Variants in DPP6 observed in about 807,000 individuals in gnomAD.
DPP6 encodes the protein A-type potassium channel modulatory protein DPP6.
A neutral mutation model predicts 122.6 loss-of-function variants in DPP6; 69 were observed. The observed-to-expected ratio is 0.56, with a 90% CI of 0.46 to 0.69. DPP6 has a LOEUF of 0.69. Among genes scored for constraint, DPP6 ranks in the 30% least tolerant of loss-of-function variants. The pLI is 0.00. For synonymous variants in DPP6, 418 were observed against 433.1 expected (o/e 0.97, Z 0.43); for missense variants, 928 against 1,116.9 (o/e 0.83, Z 2.41).
chr7:154,876,705 G>A (rs1484838275), intron 20 of DPP6, among the ~76,000 whole-genome samples: 1 of 152,196 alleles, frequency 6.6e-6, no homozygotes, highest in Non-Finnish European at 1.5e-5. Flanking sequence ...TGCTCCAAAT[G>A]ACTTATTGAA....
chr7:153,807,757 C>T, the DPP6 span, among the ~76,000 whole-genome samples: 2 of 151,804 alleles, frequency 1.3e-5, no homozygotes, highest in Admixed American at 1.3e-4. Context: ...AGACGTTGTC[C>T]GCCAAAGCTA....
intron 1 of DPP6, among the ~76,000 whole-genome samples, chr7:154,155,859 G>A (rs1415986761): frequency 6.6e-6 from 1 of 152,134 alleles, no homozygotes; most frequent in Non-Finnish European, 1.5e-5. Flanking sequence ...GAAGGCCGTG[G>A]CTTTAAATGT....
the DPP6 span, among the ~76,000 whole-genome samples, chr7:153,762,726 G>A: frequency 4.6e-5 from 7 of 152,114 alleles, 1 homozygote; most frequent in African/African-American, 7.2e-5. Context: ...GTTGCGGTGA[G>A]CCAAAATCGT....
At chr7:154,103,227 C>G (rs1805882311) in intron 1 of DPP6, among the ~76,000 whole-genome samples, 2 of 152,176 alleles carry the variant, frequency 1.3e-5, no homozygotes, top group African/African-American at 4.8e-5. Context: ...CAAGCCTCTT[C>G]CTTCTGTCCT....
intron 1 of DPP6, among the ~76,000 whole-genome samples, chr7:154,401,768 G>A (rs1392196782): frequency 6.6e-6 from 1 of 152,170 alleles, no homozygotes; most frequent in Non-Finnish European, 1.5e-5. Context: ...AAACTAAAGA[G>A]CTTCTGCACA....
chr7:154,381,511 C>T (rs1432947005), intron 1 of DPP6, among the ~76,000 whole-genome samples: 1 of 152,110 alleles, frequency 6.6e-6, no homozygotes, highest in Non-Finnish European at 1.5e-5. Context: ...GTATACACAT[C>T]TATAATGTAT....
the DPP6 span, among the ~76,000 whole-genome samples, chr7:153,767,144 C>T: frequency 2.0e-5 from 3 of 152,094 alleles, no homozygotes; most frequent in Admixed American, 2.0e-4. Context: ...GTGTGTGAAG[C>T]CCAGAAATTC....
chr7:153,786,064 A>G, the DPP6 span, among the ~76,000 whole-genome samples: 1 of 152,134 alleles, frequency 6.6e-6, no homozygotes, highest in South Asian at 2.1e-4. Flanking sequence ...TGCTGGATAC[A>G]TTTGCTAGGA....
chr7:154,703,017 G>A (rs1414787638), intron 7 of DPP6, among the ~76,000 whole-genome samples: 6 of 152,190 alleles, frequency 3.9e-5, no homozygotes, highest in Non-Finnish European at 1.5e-5. Context: ...AAATCCTAGG[G>A]CCCTTAAGAG....
chr7:154,227,026 CA>C (rs1185910097), intron 1 of DPP6, among the ~76,000 whole-genome samples: 4 of 150,702 alleles, frequency 2.7e-5, no homozygotes, highest in African/African-American at 1.0e-4. Flanking sequence ...AGAGTTCCGT[CA>C]AAAAATCAAA....
At chr7:154,533,639 A>G (rs79142485) in intron 3 of DPP6, among the ~76,000 whole-genome samples, 4,765 of 152,292 alleles carry the variant, frequency 0.031, 247 homozygotes, top group African/African-American at 0.11. Context: ...AAGAAAAAAA[A>G]GAATTAAGAC....
chr7:154,379,442 G>A (rs1813405441), intron 1 of DPP6, among the ~76,000 whole-genome samples: 1 of 152,004 alleles, frequency 6.6e-6, no homozygotes, highest in Non-Finnish European at 1.5e-5. Flanking sequence ...AACCAACATG[G>A]CACATGTATA....
chr7:153,762,217 G>C, the DPP6 span, among the ~76,000 whole-genome samples: 1 of 152,180 alleles, frequency 6.6e-6, no homozygotes, highest in Non-Finnish European at 1.5e-5. Flanking sequence ...ACGGAGAATA[G>C]ATTCTAATTC....
chr7:154,625,306 C>T (rs1349855425), intron 5 of DPP6, among the ~76,000 whole-genome samples: 1 of 149,936 alleles, frequency 6.7e-6, no homozygotes, highest in Non-Finnish European at 1.5e-5. Context: ...CATGCAGATA[C>T]ACACACAGAC....
At chr7:154,169,061 G>C (rs1209764535) in intron 1 of DPP6, among the ~76,000 whole-genome samples, 4 of 150,952 alleles carry the variant, frequency 2.6e-5, no homozygotes, top group Non-Finnish European at 1.5e-5. Flanking sequence ...CTCAGGTGCA[G>C]CTGAGACCCT....
intron 1 of DPP6, among the ~76,000 whole-genome samples, chr7:153,930,958 A>T (rs1801142548): frequency 6.6e-6 from 1 of 152,166 alleles, no homozygotes; most frequent in African/African-American, 2.4e-5. Flanking sequence ...AATGTGACTA[A>T]TTTTTTTACA....
chr7:153,925,623 G>C (rs374216336), intron 1 of DPP6, among the ~76,000 whole-genome samples: 1 of 151,904 alleles, frequency 6.6e-6, no homozygotes, highest in Non-Finnish European at 1.5e-5. Flanking sequence ...ATGGTAGAAG[G>C]TCCCTGAGGT....
intron 1 of DPP6, among the ~76,000 whole-genome samples, chr7:154,332,262 G>C (rs1030168198): frequency 4.6e-5 from 7 of 152,100 alleles, no homozygotes; most frequent in Non-Finnish European, 1.0e-4. Context: ...AGTAGGGACA[G>C]GGTTTCACCA....
At chr7:154,561,254 G>A (rs773851909) in intron 4 of DPP6, among the ~76,000 whole-genome samples, 2 of 152,180 alleles carry the variant, frequency 1.3e-5, no homozygotes, top group African/African-American at 2.4e-5. Context: ...CAAGTCAACC[G>A]AATTGACATG....
Sources: allele counts gnomAD v4.1 joint callset (sites outside exome capture counted in the v4.1 genomes callset), GRCh38; gene constraint gnomAD v4.1.1; transcripts MANE v1.5; gene names NCBI Gene and HGNC (gene_info 2026-07-23, HGNC 2026-07-21).